The following VPS13D variants were observed in gnomAD, a reference collection of about 807,000 sequenced individuals.
The protein encoded by VPS13D is intermembrane lipid transfer protein VPS13D.
VPS13D carries 187 observed loss-of-function variants against 461.9 expected under a neutral mutation model. The observed-to-expected ratio is 0.40, with a 90% CI of 0.36 to 0.46. The LOEUF is 0.46. VPS13D is among the 20% of genes least tolerant of loss of function. The pLI is 0.60. For missense variants in VPS13D, 4,711 were observed against 5,364.9 expected, an observed-to-expected ratio of 0.88 and a Z score of 3.81; for synonymous variants, 1,951 against 1,986.3, an observed-to-expected ratio of 0.98 and a Z score of 0.47.
intron 65 of VPS13D, among the ~76,000 whole-genome samples, chr1:12,433,474 CT>C (rs1316103982): frequency 2.0e-5 from 3 of 152,152 alleles, no homozygotes; most frequent in African/African-American, 7.2e-5. Flanking sequence ...AGAGTTAACA[CT>C]TTTGCTTTTT....
In VPS13D at chr1:12,297,330, A is replaced by G. The variant is rs188538596; in HGVS notation, c.6034-1872A>G. On this transcript the variant is annotated intron_variant, in intron 24 of 69. Coordinates refer to ENST00000620676, the MANE Select transcript of VPS13D (RefSeq NM_015378.4). Reference sequence around the variant, plus strand: ...TTTGGCCAAATATAAATTATTTCCCATATATTTTACCCCAGAAGTATGATG... The same window carrying G: ...TTTGGCCAAATATAAATTATTTCCCGTATATTTTACCCCAGAAGTATGATG... 3.8e-4 allele frequency among the ~76,000 whole-genome samples: 58 copies of G among 152,310 alleles called. 1 individual carries two copies. In the East Asian group the frequency reaches 6.2e-3, roughly 16 times the overall value.
At position 12,342,794 on chromosome 1, in the gene VPS13D, C is replaced by A; in HGVS notation, c.8733-105C>A. 2.2e-6 allele frequency: 3 copies of A among 1,336,992 alleles called. 1 individual carries two copies. The highest frequency in any genetic ancestry group is 3.0e-6 in the Non-Finnish European group (3 of 998,928). 82.8% of individuals were successfully genotyped at this position (1,336,992 alleles called of 1,614,324 possible). On this transcript the variant is annotated intron_variant, in intron 41 of 69. Coordinates refer to ENST00000620676, the MANE Select transcript of VPS13D (RefSeq NM_015378.4). ...AGCTAGGTCATGCAGCCTTTTATTG[C>A]TGGGAATTGAGTTGTGAGAAGGTTC...
chr1:12,457,392 G>A (rs1645344009), intron 66 of VPS13D, among the ~76,000 whole-genome samples: 1 of 152,206 alleles, frequency 6.6e-6, no homozygotes, highest in Admixed American at 6.5e-5. Flanking sequence ...TAGAGTTAAT[G>A]ACAGAGCACA....
chr1:12,257,138 C>T (rs759179205), intron 9 of VPS13D, 51 bp downstream of exon 9: 227 of 1,510,046 alleles, frequency 1.5e-4, no homozygotes, highest in Admixed American at 3.0e-4. Flanking sequence ...CCTGTTCTTG[C>T]TATGTACATA....
Position 12,495,236 on chromosome 1 carries a change from G to A in VPS13D, c.12663-2264G>A, listed in dbSNP as rs1046154087. Among the ~76,000 whole-genome samples, 2 of 148,282 alleles carry A rather than the reference G, an allele frequency of 1.3e-5. No individual in the cohort carries two copies. The highest frequency in any genetic ancestry group is 6.8e-5 in the Admixed American group (1 of 14,632). On this transcript the variant is annotated intron_variant, in intron 67 of 69. Coordinates refer to ENST00000620676, the MANE Select transcript of VPS13D (RefSeq NM_015378.4). This position sits in a 1 kb window ranked among gnomAD's most constrained non-coding sequence, Gnocchi z 4.0. ...AGGATCTCGGCTCACTGCAAGCTCC[G>A]CCTCCCAGGTTCATGCCATTCTCCT...
chr1:12,362,662 G>T (rs912136888), intron 50 of VPS13D, 58 bp from the exon 51 acceptor site: 2 of 1,549,310 alleles, frequency 1.3e-6, no homozygotes, highest in South Asian at 2.4e-5. Flanking sequence ...ATTTTTGTCA[G>T]ACCAAGAGTT....
rs117334668 is a variant in VPS13D, at chr1:12,356,112, G to T, written c.9871+22G>T. On this transcript the variant is annotated intron_variant, in intron 48 of 69. Coordinates refer to ENST00000620676, the MANE Select transcript of VPS13D (RefSeq NM_015378.4). ...ACAGGTACATACAGGGGCTGCTCAA[G>T]TAGGTCTTTGGCGTTAGTCATGGGA... 0.017 allele frequency: 27,176 copies of T among 1,581,116 alleles called. 951 individuals carry two copies. The highest frequency in any genetic ancestry group is 0.14 in the Admixed American group (7,754 of 55,170).
chr1:12,401,765 C>T lies in VPS13D; in HGVS notation c.11881+61C>T, dbSNP rs184723903. The T allele has an allele frequency of 6.5e-5, 94 of 1,442,480 alleles. No individual in the cohort carries two copies. In the African/African-American group the frequency reaches 1.1e-3, roughly 17 times the overall value. The allele number at this position is 1,442,480 out of a possible 1,614,324, so 89.4% of individuals were successfully genotyped here. On this transcript the variant is annotated intron_variant, in intron 62 of 69. Coordinates refer to ENST00000620676, the MANE Select transcript of VPS13D (RefSeq NM_015378.4). The stretch of plus-strand genomic sequence containing the variant: ...TGGTCCAAAGATGGTATTTTTGAGT[C>T]TGTTTGTAAAAATAGGTAGCCCCTT...
intron 23 of VPS13D, among the ~76,000 whole-genome samples, chr1:12,292,354 C>A: frequency 1.7e-5 from 2 of 119,574 alleles, no homozygotes. Context: ...TTTTTTTAAT[C>A]TAAGAGGTAT....
chr1:12,502,178 A>G lies in VPS13D; in HGVS notation c.12794+4547A>G, dbSNP rs1313920952. 6.6e-6 allele frequency among the ~76,000 whole-genome samples: 1 copy of G among 152,150 alleles called. No homozygotes were observed. Among genetic ancestry groups the G allele is most frequent in the African/African-American group, 2.4e-5 (1 of 41,436 alleles). On this transcript the variant is annotated intron_variant, in intron 68 of 69. Transcript: ENST00000620676. This position sits in a 1 kb window ranked among gnomAD's most constrained non-coding sequence, Gnocchi z 4.3. ...AAAACCTTGACAGCAGCAGGTAGAGAGACTGAAGGCAGGAAGCCAGTTAGG... is the reference window on the plus strand; with the variant it reads ...AAAACCTTGACAGCAGCAGGTAGAGGGACTGAAGGCAGGAAGCCAGTTAGG...
At chr1:12,240,583 G>A (rs1350129370) in intron 2 of VPS13D, among the ~76,000 whole-genome samples, 21 of 113,208 alleles carry the variant, frequency 1.9e-4, no homozygotes, top group Non-Finnish European at 2.8e-4. Flanking sequence ...CGACAAAAGC[G>A]AGATTCCATC....
At chr1:12,264,400 CCAAA>C (rs1641204439) in intron 13 of VPS13D, among the ~76,000 whole-genome samples, 1 of 152,168 alleles carries the variant, frequency 6.6e-6, no homozygotes, top group Non-Finnish European at 1.5e-5. Flanking sequence ...GCCACTTGTG[CCAAA>C]CAGTTAGCCA....
rs776791242 is a variant in VPS13D, at chr1:12,304,719, A to T, written c.6430A>T (p.Ser2144Cys). ...QPTLSVGQESSSPEDHVCLLD... is the reference protein window; with the variant it reads ...QPTLSVGQESCSPEDHVCLLD... ...CACACTGTCTGTTGGCCAAGAGTCC[A>T]GTAGTCCAGGTAAAAGAGGAGAAAA... Residue 2144 changes from serine (S) to cysteine (C), a missense_variant, in exon 26 of 70, where the codon AGT (serine) becomes TGT (cysteine). Ser to Cys is a moderately radical substitution (Grantham distance 112). Around this residue, in one of 3 missense-constraint regions of VPS13D, gnomAD observed 4,411 missense variants for 4,937.8 expected, o/e 0.89. Coordinates refer to ENST00000620676, the MANE Select transcript of VPS13D (RefSeq NM_015378.4). 6.2e-7 allele frequency: 1 copy of T among 1,613,808 alleles called. No individual in the cohort carries two copies. Among genetic ancestry groups the T allele is most frequent in the Non-Finnish European group, 8.5e-7 (1 of 1,180,034 alleles).
intron 68 of VPS13D, chr1:12,499,575 A>G (rs1433622457): frequency 2.0e-6 from 2 of 985,352 alleles, no homozygotes; most frequent in East Asian, 2.3e-4. Flanking sequence ...TGGAATCGAA[A>G]TGAAATCAGT....
chr1:12,335,127 C>G (rs1437950727), intron 38 of VPS13D, among the ~76,000 whole-genome samples: 3 of 152,190 alleles, frequency 2.0e-5, no homozygotes, highest in African/African-American at 7.2e-5. Context: ...AGTGCAGTGG[C>G]ATGATCTCGG....
chr1:12,395,100 TG>T (rs199782169), intron 60 of VPS13D, among the ~76,000 whole-genome samples: 2,873 of 152,186 alleles, frequency 0.019, 108 homozygotes, highest in Admixed American at 0.099. Context: ...ACAGGGGTGT[TG>T]GGGGTGACTC....
In VPS13D at chr1:12,465,791, T is replaced by C. The variant is rs539692997; in HGVS notation, c.12662+5395T>C. Among the ~76,000 whole-genome samples the C allele has an allele frequency of 3.3e-5, 5 of 152,118 alleles. No individual in the cohort carries two copies. In the South Asian group the frequency reaches 8.3e-4, roughly 25 times the overall value. Reference sequence around the variant, plus strand: ...CTCTCCAGGATAAAAGGACTAAGACTCTTTTGGGTCACCAGAGCCTGAATG... The same window carrying C: ...CTCTCCAGGATAAAAGGACTAAGACCCTTTTGGGTCACCAGAGCCTGAATG... On this transcript the variant is annotated intron_variant, in intron 67 of 69. Coordinates refer to ENST00000620676, the MANE Select transcript of VPS13D (RefSeq NM_015378.4).
chr1:12,450,884 A>G (rs1436251099), intron 65 of VPS13D, among the ~76,000 whole-genome samples: 1 of 152,144 alleles, frequency 6.6e-6, no homozygotes, highest in Non-Finnish European at 1.5e-5. Context: ...TTCCTGTTGT[A>G]TTTGGTTACC....
At position 12,349,365 on chromosome 1, in the gene VPS13D, G is replaced by T. The variant is rs149431025; in HGVS notation, c.9422G>T (p.Arg3141Leu). ...CACTCTATGGACACAGAAAAAAGCC[G>T]ATTTTTCAGGTATGTAGCACCACTG... ...ECHSMDTEKS[R>L]FFRFCVAIKK... Residue 3141 changes from arginine to leucine, a missense_variant, in exon 46 of 70, where the codon CGA becomes CTA. By Grantham distance (102) the Arg-to-Leu change is moderately radical (BLOSUM62 -2). Coordinates refer to ENST00000620676, the MANE Select transcript of VPS13D (RefSeq NM_015378.4). 3.7e-6 allele frequency: 6 copies of T among 1,613,624 alleles called. No homozygotes were observed. Among genetic ancestry groups the T allele is most frequent in the Non-Finnish European group, 1.7e-6 (2 of 1,180,010 alleles).
Sources: allele counts gnomAD v4.1 joint callset (sites outside exome capture counted in the v4.1 genomes callset), GRCh38; gene constraint gnomAD v4.1.1; regional missense constraint gnomAD v4.1.1; non-coding constraint Gnocchi (gnomAD v3.1); transcripts MANE v1.5; gene names NCBI Gene and HGNC (gene_info 2026-07-23, HGNC 2026-07-21).